DDX6: variants seen among roughly 807,000 people sequenced by gnomAD.
DDX6 encodes probable ATP-dependent RNA helicase DDX6.
In DDX6, 7 loss-of-function variants were observed where a neutral mutation model predicts 60.6. The ratio of observed to expected loss-of-function variants is 0.12; its 90% CI spans 0.07 to 0.22. DDX6 has a LOEUF of 0.22. Among genes scored for constraint, DDX6 ranks in the 10% least tolerant of loss-of-function variants. The pLI, the probability that DDX6 is intolerant of heterozygous loss-of-function variation, is 1.00. For synonymous variants in DDX6, 207 were observed against 201.0 expected, an observed-to-expected ratio of 1.03 and a Z score of -0.25; for missense variants, 270 against 589.9, an observed-to-expected ratio of 0.46 and a Z score of 5.62.
At chr11:118,759,115 AG>A (rs781847848) in intron 8 of DDX6, 4 of 513,104 alleles carry the variant, frequency 7.8e-6, no homozygotes, top group Non-Finnish European at 1.3e-5. Flanking sequence ...GCTGGAGTGT[AG>A]TGGCACGATC....
At chr11:118,769,636 C>CAACA in intron 4 of DDX6, among the ~76,000 whole-genome samples, 1 of 151,728 alleles carries the variant, frequency 6.6e-6, no homozygotes, top group African/African-American at 2.4e-5. Flanking sequence ...CAAACAACAA[C>CAACA]AACAAACTAT....
At chr11:118,770,119 T>G (rs11217021) in intron 4 of DDX6, among the ~76,000 whole-genome samples, 2 of 151,548 alleles carry the variant, frequency 1.3e-5, no homozygotes, top group African/African-American at 4.9e-5. Context: ...TTTCGCCTCC[T>G]GGTTCAGGCG....
In DDX6 at chr11:118,782,866, G is replaced by A. The variant is rs535072457; in HGVS notation, c.201-1682C>T. Among the ~76,000 whole-genome samples, 10 of 152,142 alleles carry A rather than the reference G, an allele frequency of 6.6e-5. No homozygotes were observed. In the East Asian group the frequency reaches 1.2e-3, roughly 18 times the overall value. Reference sequence around the variant, plus strand: ...CAGCTGGTCTCAAACTCCTGACCTCGTGATCCTCCTGCCTTGGCCTCCCAA... The same window carrying A: ...CAGCTGGTCTCAAACTCCTGACCTCATGATCCTCCTGCCTTGGCCTCCCAA... On this transcript the variant is annotated intron_variant, in intron 2 of 13. Transcript: ENST00000534980.
chr11:118,752,183 C>T, intron 13 of DDX6, 86 bp from the exon 14 acceptor site: 1 of 177,764 alleles, frequency 5.6e-6, no homozygotes, highest in Non-Finnish European at 1.2e-5. Context: ...ATCCCAAATG[C>T]TCTTTTCTAG....
At chr11:118,783,439 T>A (rs1329840810) in intron 2 of DDX6, among the ~76,000 whole-genome samples, 1 of 152,168 alleles carries the variant, frequency 6.6e-6, no homozygotes, top group Non-Finnish European at 1.5e-5. Flanking sequence ...TCTTCCCACC[T>A]CAGCCTCCCA....
At chr11:118,779,388 T>C (rs1861813229) in intron 4 of DDX6, among the ~76,000 whole-genome samples, 1 of 152,204 alleles carries the variant, frequency 6.6e-6, no homozygotes, top group Non-Finnish European at 1.5e-5. Flanking sequence ...AGAAGTATTT[T>C]ATCAATGTTA....
chr11:118,768,851 T>C (rs1861439005), intron 4 of DDX6, among the ~76,000 whole-genome samples: 1 of 151,358 alleles, frequency 6.6e-6, no homozygotes, highest in East Asian at 1.9e-4. Flanking sequence ...ACCCCAACTC[T>C]ACAAAAATTA....
At chr11:118,778,519 T>C (rs992080489) in intron 4 of DDX6, among the ~76,000 whole-genome samples, 22 of 152,246 alleles carry the variant, frequency 1.4e-4, no homozygotes, top group African/African-American at 4.8e-4. Context: ...TCTGAACTTT[T>C]GTTTTCTCAT....
chr11:118,760,154 G>A, intron 7 of DDX6, 110 bp from the exon 8 acceptor site: 1 of 1,022,934 alleles, frequency 9.8e-7, no homozygotes, highest in South Asian at 1.8e-5. Flanking sequence ...TCCATGAAAT[G>A]TTCCTGGTGG....
At chr11:118,774,467 T>A (rs1473602538) in intron 4 of DDX6, among the ~76,000 whole-genome samples, 1 of 147,636 alleles carries the variant, frequency 6.8e-6, no homozygotes, top group Non-Finnish European at 1.5e-5. Flanking sequence ...TAACAGTCTT[T>A]TTTTTTTTTT....
intron 3 of DDX6, among the ~76,000 whole-genome samples, 164 bp from the exon 4 acceptor site, chr11:118,779,900 GA>G (rs1861831919): frequency 2.0e-5 from 3 of 152,072 alleles, no homozygotes; most frequent in Admixed American, 6.6e-5. Context: ...CAGATCACCT[GA>G]GGTCAGAAGT....
chr11:118,761,076 G>T (rs964352098), intron 7 of DDX6, among the ~76,000 whole-genome samples: 4 of 151,802 alleles, frequency 2.6e-5, no homozygotes, highest in Admixed American at 2.0e-4. Flanking sequence ...GGAGATGGAG[G>T]TTGCAGTTGA....
chr11:118,764,821 T>TACACACAC lies in DDX6; in HGVS notation c.646+380_646+387dup, dbSNP rs59605753. Among the ~76,000 whole-genome samples, 1,073 of 139,024 alleles carry TACACACAC rather than the reference T, an allele frequency of 7.7e-3. 5 individuals are homozygous for TACACACAC. The highest frequency in any genetic ancestry group is 9.6e-3 in the African/African-American group (332 of 34,610). 91.2% of individuals were successfully genotyped at this position (139,024 alleles called of 152,430 possible). ...TCCATCTCCAAAAAAAAAAAAAATA[T>TACACACAC]ACACACACACACACACATTATATAT... is the stretch of plus-strand genomic sequence containing the variant. On this transcript the variant is annotated intron_variant, in intron 6 of 13. Transcript: ENST00000534980.
At chr11:118,780,983 C>CT (rs1299879060) in intron 3 of DDX6, 138 bp downstream of exon 3, 4 of 555,992 alleles carry the variant, frequency 7.2e-6, no homozygotes, top group Non-Finnish European at 1.3e-5. Flanking sequence ...GCCTGAATAT[C>CT]TATCTTACTG....
At chr11:118,755,065 C>T (rs1017559977) in intron 12 of DDX6, among the ~76,000 whole-genome samples, 178 bp from the exon 13 acceptor site, 2 of 152,154 alleles carry the variant, frequency 1.3e-5, no homozygotes, top group Admixed American at 6.5e-5. Context: ...CTTCAGGTTT[C>T]GCAGCCCAAA....
At chr11:118,773,808 C>G (rs1224719728) in intron 4 of DDX6, among the ~76,000 whole-genome samples, 3 of 151,602 alleles carry the variant, frequency 2.0e-5, no homozygotes, top group Non-Finnish European at 4.4e-5. Flanking sequence ...GTGTGACAAA[C>G]TGAGACTCTG....
rs938789319 is a variant in DDX6 at position 118,747,772 on chromosome 11, C to T, written c.*4333G>A. ...ACATACCACACACACATTTGGAGTTCCAGTGGGCTTTTATTGAGATAAATT... is the reference window on the plus strand; with the variant it reads ...ACATACCACACACACATTTGGAGTTTCAGTGGGCTTTTATTGAGATAAATT... On this transcript the variant is annotated 3_prime_UTR_variant, in exon 14 of 14. Coordinates refer to ENST00000534980, the MANE Select transcript of DDX6 (RefSeq NM_004397.6). 5.9e-5 allele frequency: 9 copies of T among 152,098 alleles called. No homozygotes were observed. Among genetic ancestry groups the T allele is most frequent in the African/African-American group, 1.2e-4 (5 of 41,394 alleles). The allele number at this position is 152,098 out of a possible 1,614,324, so 9.4% of individuals were successfully genotyped here.
At chr11:118,755,708 G>T (rs1340348696) in intron 11 of DDX6, among the ~76,000 whole-genome samples, 2 of 152,020 alleles carry the variant, frequency 1.3e-5, no homozygotes, top group East Asian at 1.9e-4. Context: ...GTAATTGTAA[G>T]CAAGTTTTAA....
chr11:118,763,160 G>A, intron 7 of DDX6, 52 bp downstream of exon 7: 1 of 1,292,068 alleles, frequency 7.7e-7, no homozygotes, highest in Non-Finnish European at 1.1e-6. Flanking sequence ...GCAGTTATAA[G>A]CAAAGCACAG....
Sources: gnomAD v4.1 joint callset for allele counts (sites outside exome capture counted in the v4.1 genomes callset) on GRCh38, gnomAD v4.1.1 for gene constraint, MANE v1.5 for transcripts, NCBI Gene and HGNC (gene_info 2026-07-23, HGNC 2026-07-21) for gene names.